The following LIFR variants were observed in gnomAD, a reference collection of about 807,000 sequenced individuals.
LIFR encodes LIF receptor subunit alpha, also known as leukemia inhibitory factor receptor.
Under a neutral mutation model 122.2 loss-of-function variants are expected in LIFR, and 84 were observed. That is an observed-to-expected ratio of 0.69 (90% CI 0.58 to 0.82). The LOEUF (loss-of-function observed/expected upper bound fraction) is 0.82. Among genes scored for constraint, LIFR ranks in the 40% least tolerant of loss-of-function variants. The pLI is 0.00. For synonymous variants in LIFR, 422 were observed against 434.7 expected (o/e 0.97, Z 0.36); for missense variants, 1,294 against 1,311.6 (o/e 0.99, Z 0.21).
intron 5 of LIFR, among the ~76,000 whole-genome samples, chr5:38,519,066 G>T (rs1746258917): frequency 6.6e-6 from 1 of 152,188 alleles, no homozygotes; most frequent in African/African-American, 2.4e-5. Context: ...TAAGCTAAGT[G>T]TTAATACAAA....
At chr5:38,547,518 T>C (rs368175147) in intron 1 of LIFR, among the ~76,000 whole-genome samples, 8 of 152,194 alleles carry the variant, frequency 5.3e-5, no homozygotes, top group Admixed American at 2.6e-4. Context: ...GAAAATAAAA[T>C]GCAAGCTCAG....
chr5:38,522,996 A>C (rs1444940695), intron 5 of LIFR, among the ~76,000 whole-genome samples: 2 of 152,222 alleles, frequency 1.3e-5, no homozygotes, highest in Non-Finnish European at 2.9e-5. Context: ...TGTACTGATA[A>C]ATTCAAGCTT....
upstream of LIFR, chr5:38,557,957 T>A (rs1748672729): frequency 1.3e-5 from 2 of 152,214 alleles, no homozygotes; most frequent in South Asian, 4.1e-4. Flanking sequence ...TTACCCTTAT[T>A]CTTGAGTCCT....
chr5:38,546,570 T>A (rs1478158476), intron 1 of LIFR, among the ~76,000 whole-genome samples: 1 of 152,170 alleles, frequency 6.6e-6, no homozygotes, highest in African/African-American at 2.4e-5. Flanking sequence ...TAAGAACATG[T>A]GTTCTGGAGT....
At chr5:38,513,287 C>T (rs1045405262) in intron 5 of LIFR, among the ~76,000 whole-genome samples, 1 of 152,154 alleles carries the variant, frequency 6.6e-6, no homozygotes, top group African/African-American at 2.4e-5. Context: ...ATGGGAAATA[C>T]AGGAAAACAG....
At chr5:38,498,930 TC>T (rs1426290449) in intron 12 of LIFR, among the ~76,000 whole-genome samples, 2 of 152,196 alleles carry the variant, frequency 1.3e-5, no homozygotes, top group Non-Finnish European at 2.9e-5. Context: ...TTTAAAGGAA[TC>T]CTATTATGAC....
intron 3 of LIFR, among the ~76,000 whole-genome samples, chr5:38,528,098 G>A (rs911958223): frequency 5.3e-5 from 8 of 152,046 alleles, no homozygotes; most frequent in South Asian, 2.1e-4. Flanking sequence ...TCCAAATCAC[G>A]CCATCTCATA....
chr5:38,588,773 C>T (rs1749828893), intron 1 of LIFR, among the ~76,000 whole-genome samples: 1 of 152,160 alleles, frequency 6.6e-6, no homozygotes, highest in Non-Finnish European at 1.5e-5. Context: ...ATAAAAGGCA[C>T]ATTACGATCT....
chr5:38,533,662 G>C (rs537001584), intron 1 of LIFR, among the ~76,000 whole-genome samples: 1 of 152,286 alleles, frequency 6.6e-6, no homozygotes, highest in South Asian at 2.1e-4. Flanking sequence ...TTTTGTCTCT[G>C]TTCCCCTGTC....
At chr5:38,504,535 C>A (rs1580057618) in intron 9 of LIFR, among the ~76,000 whole-genome samples, 1 of 151,784 alleles carries the variant, frequency 6.6e-6, no homozygotes, top group African/African-American at 2.4e-5. Flanking sequence ...TAAGGTAAGT[C>A]TTACAGTGAA....
chr5:38,604,901 A>G (rs972029516), intron 2 of LIFR, among the ~76,000 whole-genome samples: 1 of 152,068 alleles, frequency 6.6e-6, no homozygotes, highest in Non-Finnish European at 1.5e-5. Context: ...AGACAACTCA[A>G]AGGGAGAGGG....
At chr5:38,590,701 G>A (rs1046223210) in intron 1 of LIFR, among the ~76,000 whole-genome samples, 2 of 152,154 alleles carry the variant, frequency 1.3e-5, no homozygotes, top group African/African-American at 4.8e-5. Flanking sequence ...CTCTTTGCAA[G>A]TATTATCCCA....
intron 1 of LIFR, among the ~76,000 whole-genome samples, chr5:38,589,170 AT>A (rs543957643): frequency 1.4e-4 from 20 of 146,230 alleles, no homozygotes; most frequent in African/African-American, 2.8e-4. Flanking sequence ...GCTAATTTTT[AT>A]TTTTTTTTTG....
intron 2 of LIFR, among the ~76,000 whole-genome samples, chr5:38,530,018 T>C (rs1267274828): frequency 6.6e-6 from 1 of 152,206 alleles, no homozygotes; most frequent in Non-Finnish European, 1.5e-5. Flanking sequence ...TCTTAATATA[T>C]TTAAGATGTA....
At chr5:38,566,447 A>G (rs953391950) in intron 1 of LIFR, among the ~76,000 whole-genome samples, 1 of 152,174 alleles carries the variant, frequency 6.6e-6, no homozygotes, top group South Asian at 2.1e-4. Context: ...TAACACAGCA[A>G]TAGATCTACA....
chr5:38,512,609 C>A (rs1030898699), intron 5 of LIFR, among the ~76,000 whole-genome samples: 2 of 152,120 alleles, frequency 1.3e-5, no homozygotes, highest in Non-Finnish European at 2.9e-5. Flanking sequence ...AACTGCACTC[C>A]AGCCTGGGTG....
chr5:38,495,601 A>G (rs542865994), intron 13 of LIFR, among the ~76,000 whole-genome samples: 1 of 152,308 alleles, frequency 6.6e-6, no homozygotes, highest in Admixed American at 6.5e-5. Context: ...TACTTAGAGG[A>G]CCCTAACTGG....
At chr5:38,561,960 G>A (rs895797370) in intron 1 of LIFR, among the ~76,000 whole-genome samples, 1 of 152,154 alleles carries the variant, frequency 6.6e-6, no homozygotes, top group African/African-American at 2.4e-5. Flanking sequence ...CCTGGGTCTT[G>A]GAGACCTCTT....
At chr5:38,512,061 C>T in intron 5 of LIFR, 97 bp from the exon 6 acceptor site, 1 of 1,195,488 alleles carries the variant, frequency 8.4e-7, no homozygotes, top group South Asian at 1.3e-5. Context: ...ATACAATCAT[C>T]AGCTAAGTTT....
Sources: allele counts gnomAD v4.1 joint callset (sites outside exome capture counted in the v4.1 genomes callset), GRCh38; gene constraint gnomAD v4.1.1; transcripts MANE v1.5; gene names NCBI Gene and HGNC (gene_info 2026-07-23, HGNC 2026-07-21).